The following MACROD2 variants were observed in gnomAD, a reference collection of about 807,000 sequenced individuals.
The protein encoded by MACROD2 is mono-ADP ribosylhydrolase 2.
Under a neutral mutation model 70.4 loss-of-function variants are expected in MACROD2, and 36 were observed. The ratio of observed to expected loss-of-function variants is 0.51; its 90% CI spans 0.39 to 0.68. The LOEUF (loss-of-function observed/expected upper bound fraction) is 0.68. Among genes scored for constraint, MACROD2 ranks in the 30% least tolerant of loss-of-function variants. The pLI, the probability that MACROD2 is intolerant of heterozygous loss-of-function variation, is 0.00. For synonymous variants in MACROD2, 172 were observed against 178.8 expected (o/e 0.96, Z 0.30); for missense variants, 496 against 538.4 (o/e 0.92, Z 0.78).
At chr20:14,918,102 T>C (rs1036673557) in intron 5 of MACROD2, among the ~76,000 whole-genome samples, 1 of 151,918 alleles carries the variant, frequency 6.6e-6, no homozygotes, top group Admixed American at 6.6e-5. Context: ...GCCTCACGAG[T>C]AGGTGGAACT....
At chr20:15,313,764 C>T (rs2077779316) in intron 6 of MACROD2, among the ~76,000 whole-genome samples, 1 of 152,118 alleles carries the variant, frequency 6.6e-6, no homozygotes, top group East Asian at 1.9e-4. Context: ...AAATGAATGT[C>T]TATGTGTATG....
rs73614430 is a variant in MACROD2, at chr20:15,685,461, C to T, written c.646-177284C>T. 5.5e-3 allele frequency among the ~76,000 whole-genome samples: 834 copies of T among 152,306 alleles called. 37 individuals carry two copies. Among genetic ancestry groups the T allele is most frequent in the Admixed American group, 0.048 (734 of 15,300 alleles). On this transcript the variant is annotated intron_variant, in intron 8 of 17. Transcript: ENST00000684519. ...AGGCTTTATAAGGAAGTGCATAAAG[C>T]TTTAGAAGGTTCAGAGGAGAATTGA...
chr20:14,179,250 G>C (rs1392126142), intron 3 of MACROD2, among the ~76,000 whole-genome samples: 1 of 152,184 alleles, frequency 6.6e-6, no homozygotes, highest in Non-Finnish European at 1.5e-5. Context: ...GCAGTCATTA[G>C]ATTATCAACT....
chr20:14,573,135 A>T (rs1980330531), intron 4 of MACROD2, among the ~76,000 whole-genome samples: 1 of 151,960 alleles, frequency 6.6e-6, no homozygotes, highest in African/African-American at 2.4e-5. Flanking sequence ...AGGATTTGGT[A>T]TCATTAGATC....
chr20:14,273,499 G>T (rs1445897185), intron 3 of MACROD2, among the ~76,000 whole-genome samples: 2 of 148,052 alleles, frequency 1.4e-5, no homozygotes, highest in South Asian at 2.3e-4. Context: ...AAAGCAGTGT[G>T]TAGAGGGAAA....
chr20:14,204,247 C>G (rs1284333157), intron 3 of MACROD2, among the ~76,000 whole-genome samples: 5 of 152,154 alleles, frequency 3.3e-5, no homozygotes, highest in Non-Finnish European at 7.3e-5. Context: ...TCCCTGGTGT[C>G]CTGCACCAGC....
intron 8 of MACROD2, among the ~76,000 whole-genome samples, chr20:15,609,507 A>G (rs984938706): frequency 1.3e-5 from 2 of 152,178 alleles, no homozygotes; most frequent in Non-Finnish European, 2.9e-5. Context: ...AGCCATCCAT[A>G]TGCTTCTCTG....
intron 3 of MACROD2, among the ~76,000 whole-genome samples, chr20:14,399,114 G>T (rs963420123): frequency 6.6e-6 from 1 of 151,574 alleles, no homozygotes; most frequent in African/African-American, 2.4e-5. Context: ...CCGCCTCCCG[G>T]GTTCAAGTGA....
chr20:15,195,042 T>G lies in MACROD2; in HGVS notation c.419-34898T>G, dbSNP rs929781390. On this transcript the variant is annotated intron_variant, in intron 5 of 17. Transcript: ENST00000684519. ...AACTGGCTAGCCATATGCAGAAAATTTAAAGTGGACCCCTTCTTTACATCT... is the reference window on the plus strand; with the variant it reads ...AACTGGCTAGCCATATGCAGAAAATGTAAAGTGGACCCCTTCTTTACATCT... Among the ~76,000 whole-genome samples, 8 of 152,252 alleles carry G rather than the reference T, an allele frequency of 5.3e-5. No individual in the cohort carries two copies. The East Asian group carries it at 1.5e-3, about 29-fold the overall frequency.
intron 8 of MACROD2, among the ~76,000 whole-genome samples, chr20:15,806,219 G>A (rs563951557): frequency 2.6e-4 from 39 of 152,254 alleles, no homozygotes; most frequent in Middle Eastern, 6.8e-3. Flanking sequence ...CTTCTAATGA[G>A]TGAGCAGAGC....
chr20:14,183,637 C>G (rs1288790609), intron 3 of MACROD2, among the ~76,000 whole-genome samples: 1 of 151,826 alleles, frequency 6.6e-6, no homozygotes, highest in South Asian at 2.1e-4. Context: ...TACTCCCATC[C>G]TGGACGTATA....
At chr20:14,696,775 G>T (rs560387675) in intron 5 of MACROD2, among the ~76,000 whole-genome samples, 73 of 152,242 alleles carry the variant, frequency 4.8e-4, no homozygotes, top group African/African-American at 1.7e-3. Flanking sequence ...TTGGAGGTCT[G>T]TGGAGGGCAA....
At chr20:14,822,968 GTCT>G (rs2072863585) in intron 5 of MACROD2, among the ~76,000 whole-genome samples, 1 of 151,972 alleles carries the variant, frequency 6.6e-6, no homozygotes, top group Non-Finnish European at 1.5e-5. Context: ...GTGTGTTTCG[GTCT>G]TCTTCTTTAA....
chr20:15,245,568 A>T (rs968758151), intron 6 of MACROD2, among the ~76,000 whole-genome samples: 76 of 152,262 alleles, frequency 5.0e-4, no homozygotes, highest in African/African-American at 1.7e-3. Flanking sequence ...ATGATTTTTT[A>T]GTTTTATGAT....
intron 8 of MACROD2, among the ~76,000 whole-genome samples, chr20:15,599,754 C>T (rs1327299532): frequency 6.6e-6 from 1 of 152,110 alleles, no homozygotes; most frequent in East Asian, 1.9e-4. Context: ...CAGAAACACG[C>T]AAATGCATGA....
intron 5 of MACROD2, among the ~76,000 whole-genome samples, chr20:14,968,558 G>C (rs77050209): frequency 0.012 from 1,833 of 152,318 alleles, 40 homozygotes; most frequent in Middle Eastern, 0.068. Flanking sequence ...ACCTGGACGT[G>C]ATTCTCCTGT....
intron 7 of MACROD2, among the ~76,000 whole-genome samples, chr20:15,496,695 A>T (rs2047302508): frequency 1.3e-5 from 2 of 152,372 alleles, no homozygotes; most frequent in South Asian, 4.1e-4. Flanking sequence ...TGAGATGAGA[A>T]TAAATAAGAG....
chr20:14,267,087 T>C (rs1464963859), intron 3 of MACROD2, among the ~76,000 whole-genome samples: 2 of 152,162 alleles, frequency 1.3e-5, no homozygotes, highest in African/African-American at 2.4e-5. Flanking sequence ...ACAGAGTAGA[T>C]ACTACATTAG....
intron 8 of MACROD2, among the ~76,000 whole-genome samples, chr20:15,742,843 G>A (rs2051124745): frequency 1.3e-5 from 2 of 152,274 alleles, no homozygotes; most frequent in Middle Eastern, 3.4e-3. Context: ...CAGCATAAGC[G>A]TGGGCTATTT....
Sources: allele counts gnomAD v4.1 joint callset (sites outside exome capture counted in the v4.1 genomes callset), GRCh38; gene constraint gnomAD v4.1.1; transcripts MANE v1.5; gene names NCBI Gene and HGNC (gene_info 2026-07-23, HGNC 2026-07-21).